RCL1: variants seen among roughly 807,000 people sequenced by gnomAD.
RCL1 encodes RNA terminal phosphate cyclase like 1.
A neutral mutation model predicts 42.4 loss-of-function variants in RCL1; 24 were observed. That is an observed-to-expected ratio of 0.57 (90% CI 0.41 to 0.80). The LOEUF (loss-of-function observed/expected upper bound fraction) is 0.80. Among genes scored for constraint, RCL1 ranks in the 30% least tolerant of loss-of-function variants. The pLI is 0.00. For synonymous variants in RCL1, 228 were observed against 177.3 expected, an observed-to-expected ratio of 1.29 and a Z score of -2.27; for missense variants, 578 against 467.9, an observed-to-expected ratio of 1.24 and a Z score of -2.17.
intron 6 of RCL1, among the ~76,000 whole-genome samples, chr9:4,843,629 T>C (rs181180056): frequency 6.6e-6 from 1 of 152,342 alleles, no homozygotes; most frequent in East Asian, 1.9e-4. Context: ...ATAATTCTGA[T>C]TAAATATAAA....
intron 3 of RCL1, among the ~76,000 whole-genome samples, chr9:4,830,504 A>G (rs1340220638): frequency 1.3e-5 from 2 of 152,228 alleles, no homozygotes; most frequent in African/African-American, 4.8e-5. Flanking sequence ...GAGAAATTTT[A>G]AAGAGAAGTT....
At position 4,815,045 on chromosome 9, in the gene RCL1, C is replaced by G. The variant is rs142033135; in HGVS notation, c.137-8503C>G. On this transcript the variant is annotated intron_variant, in intron 1 of 8. Coordinates refer to ENST00000381750, the MANE Select transcript of RCL1 (RefSeq NM_005772.5). ...TTTCTCTTGCTGTTTTTAGAATTCTCTTTTTATCTTTCACTTTTGACAGTT... is the reference window on the plus strand; with the variant it reads ...TTTCTCTTGCTGTTTTTAGAATTCTGTTTTTATCTTTCACTTTTGACAGTT... Among the ~76,000 whole-genome samples, 110 of 152,100 alleles carry G rather than the reference C, an allele frequency of 7.2e-4. 1 individual carries two copies. Among genetic ancestry groups the G allele is most frequent in the African/African-American group, 2.6e-3 (108 of 41,524 alleles).
intron 1 of RCL1, among the ~76,000 whole-genome samples, chr9:4,807,819 G>A (rs1355206925): frequency 6.6e-6 from 1 of 152,164 alleles, no homozygotes; most frequent in Admixed American, 6.5e-5. Flanking sequence ...GCGCCTGGCA[G>A]CTATGGGTCA....
At chr9:4,807,559 G>T (rs1340830728) in intron 1 of RCL1, among the ~76,000 whole-genome samples, 1 of 152,052 alleles carries the variant, frequency 6.6e-6, no homozygotes, top group African/African-American at 2.4e-5. Flanking sequence ...CACTCTTGTT[G>T]TCCAGGCTGG....
At chr9:4,834,375 A>G (rs1817051673) in intron 5 of RCL1, 110 bp downstream of exon 5, 6 of 1,275,830 alleles carry the variant, frequency 4.7e-6, no homozygotes, top group South Asian at 1.5e-5. Flanking sequence ...ATTTTAGACT[A>G]CAACTTTGAA....
chr9:4,819,546 C>T (rs1358573981), intron 1 of RCL1, among the ~76,000 whole-genome samples: 9 of 152,198 alleles, frequency 5.9e-5, no homozygotes, highest in Non-Finnish European at 4.4e-5. Context: ...AATTTGCTCA[C>T]GCCTGTAATC....
intron 6 of RCL1, among the ~76,000 whole-genome samples, chr9:4,842,467 C>T (rs1386622727): frequency 2.0e-5 from 3 of 152,110 alleles, no homozygotes; most frequent in African/African-American, 7.2e-5. Flanking sequence ...AAGCTGGTGG[C>T]GTCATAACGC....
At chr9:4,817,782 C>G (rs1021597222) in intron 1 of RCL1, among the ~76,000 whole-genome samples, 1 of 152,098 alleles carries the variant, frequency 6.6e-6, no homozygotes, top group Non-Finnish European at 1.5e-5. Flanking sequence ...CAGGCGTGAG[C>G]CACCACACCC....
intron 6 of RCL1, among the ~76,000 whole-genome samples, chr9:4,843,180 T>C (rs1052393828): frequency 6.6e-6 from 1 of 152,204 alleles, no homozygotes; most frequent in African/African-American, 2.4e-5. Context: ...GTTATTAAAA[T>C]TATAAAGTCA....
At chr9:4,825,078 A>ATT (rs765222407) in intron 2 of RCL1, among the ~76,000 whole-genome samples, 6 of 135,880 alleles carry the variant, frequency 4.4e-5, no homozygotes, top group Admixed American at 7.4e-5. Flanking sequence ...TACCTGGCTC[A>ATT]TTTTTTTTTT....
chr9:4,818,597 A>G (rs1481452817), intron 1 of RCL1, among the ~76,000 whole-genome samples: 2 of 152,136 alleles, frequency 1.3e-5, no homozygotes, highest in Non-Finnish European at 2.9e-5. Flanking sequence ...AGAAATTGAA[A>G]TCCGGCCGGG....
intron 5 of RCL1, among the ~76,000 whole-genome samples, chr9:4,835,209 C>G (rs1314713262): frequency 1.3e-5 from 2 of 152,254 alleles, no homozygotes; most frequent in East Asian, 3.9e-4. Flanking sequence ...GAATCAGATA[C>G]TATGCAGAAC....
Position 4,841,234 on chromosome 9 carries a change from A to C in RCL1, c.587A>C (p.Tyr196Ser). Reference protein sequence around the residue: ...GKIKRIRGMAYSVRVSPQMAN... With the variant: ...GKIKRIRGMASSVRVSPQMAN... Reference sequence around the variant, plus strand: ...ACATCCTTAACTCCAGGCTGCAGGTACTCTGTACGTGTGTCACCTCAGATG... The same window carrying C: ...ACATCCTTAACTCCAGGCTGCAGGTCCTCTGTACGTGTGTCACCTCAGATG... Residue 196 changes from tyrosine (Y) to serine (S), a missense_variant and splice_region_variant, in exon 6 of 9, where the codon TAC (tyrosine) becomes TCC (serine). By Grantham distance (144) the Tyr-to-Ser change is moderately radical. Coordinates refer to ENST00000381750, the MANE Select transcript of RCL1 (RefSeq NM_005772.5). The C allele has an allele frequency of 6.2e-7, 1 of 1,613,932 alleles. No homozygotes were observed. The highest frequency in any genetic ancestry group is 8.5e-7 in the Non-Finnish European group (1 of 1,179,940).
At position 4,860,590 on chromosome 9, in the gene RCL1, T is replaced by G; in HGVS notation, c.*315T>G. On this transcript the variant is annotated 3_prime_UTR_variant, in exon 9 of 9. Transcript: ENST00000381750. ...TCTCGTAGCTGCAGTTCAGCTGTGCTTCCTCAGCCTACTATCATAGGCTTC... is the reference window on the plus strand; with the variant it reads ...TCTCGTAGCTGCAGTTCAGCTGTGCGTCCTCAGCCTACTATCATAGGCTTC... 3.8e-6 allele frequency: 1 copy of G among 260,268 alleles called. No homozygotes were observed. The highest frequency in any genetic ancestry group is 7.2e-6 in the Non-Finnish European group (1 of 138,652). 16.1% of individuals were successfully genotyped at this position (260,268 alleles called of 1,614,324 possible).
At chr9:4,838,438 A>G (rs1179778378) in intron 5 of RCL1, among the ~76,000 whole-genome samples, 1 of 152,202 alleles carries the variant, frequency 6.6e-6, no homozygotes, top group Non-Finnish European at 1.5e-5. Flanking sequence ...GTGCTGTCCT[A>G]GGAGCTCATG....
intron 8 of RCL1, among the ~76,000 whole-genome samples, chr9:4,853,566 A>G (rs377458451): frequency 6.6e-6 from 1 of 151,984 alleles, no homozygotes; most frequent in Non-Finnish European, 1.5e-5. Flanking sequence ...GGTGATCCAC[A>G]TGCTTCGGCC....
chr9:4,846,340 ATAG>A (rs1219734300), intron 7 of RCL1, among the ~76,000 whole-genome samples: 2 of 152,254 alleles, frequency 1.3e-5, no homozygotes, highest in Non-Finnish European at 2.9e-5. Context: ...CACCTGGGAA[ATAG>A]TAGAAGAAGG....
At chr9:4,836,170 C>T (rs1021160870) in intron 5 of RCL1, among the ~76,000 whole-genome samples, 1 of 152,194 alleles carries the variant, frequency 6.6e-6, no homozygotes, top group African/African-American at 2.4e-5. Context: ...AATGTTAACA[C>T]AGTGCCAGCT....
In RCL1 at chr9:4,846,680, C is replaced by T. The variant is rs1008924530; in HGVS notation, c.867+1999C>T. ...GTGGCTGGTCCTGTAGTGGCCTTCTCTCTAACTATGGGGACACTTCCATGT... is the reference window on the plus strand; with the variant it reads ...GTGGCTGGTCCTGTAGTGGCCTTCTTTCTAACTATGGGGACACTTCCATGT... On this transcript the variant is annotated intron_variant, in intron 7 of 8. Transcript: ENST00000381750. Among the ~76,000 whole-genome samples, 50 of 152,112 alleles carry T rather than the reference C, an allele frequency of 3.3e-4. 1 individual carries two copies. The highest frequency in any genetic ancestry group is 2.9e-5 in the Non-Finnish European group (2 of 68,020).
Sources: gnomAD v4.1 joint callset for allele counts (sites outside exome capture counted in the v4.1 genomes callset) on GRCh38, gnomAD v4.1.1 for gene constraint, MANE v1.5 for transcripts, NCBI Gene and HGNC (gene_info 2026-07-23, HGNC 2026-07-21) for gene names.